SHISA9: variants seen among roughly 807,000 people sequenced by gnomAD.
SHISA9 encodes shisa family member 9, also known as protein shisa-9.
In SHISA9, 13 loss-of-function variants were observed where a neutral mutation model predicts 38.0. That is an observed-to-expected ratio of 0.34 (90% CI 0.22 to 0.54). The LOEUF is 0.54. SHISA9 is among the 20% of genes least tolerant of loss of function. SHISA9 has a pLI of 0.91. For missense variants in SHISA9, 538 were observed against 575.8 expected (o/e 0.93, Z 0.67); for synonymous variants, 275 against 242.0 (o/e 1.14, Z -1.27).
the SHISA9 span, among the ~76,000 whole-genome samples, chr16:13,312,414 G>T: frequency 2.0e-4 from 31 of 152,138 alleles, no homozygotes; most frequent in Non-Finnish European, 3.2e-4. Context: ...CCCCCCCTCA[G>T]TCATGGATTT....
At chr16:13,474,688 A>T in the SHISA9 span, among the ~76,000 whole-genome samples, 4 of 152,254 alleles carry the variant, frequency 2.6e-5, no homozygotes, top group Non-Finnish European at 5.9e-5. Context: ...CTGATGTGAT[A>T]AAGATAGTGA....
At chr16:13,071,655 C>A (rs1724529030) in intron 2 of SHISA9, among the ~76,000 whole-genome samples, 1 of 150,548 alleles carries the variant, frequency 6.6e-6, no homozygotes, top group Non-Finnish European at 1.5e-5. Context: ...TCCTGTCTTT[C>A]CTTTTTGACA....
At chr16:13,103,442 C>T (rs2073898146) in intron 2 of SHISA9, among the ~76,000 whole-genome samples, 2 of 152,164 alleles carry the variant, frequency 1.3e-5, no homozygotes, top group Admixed American at 6.5e-5. Flanking sequence ...GTCCCATGAG[C>T]AGGTGAGTGG....
At chr16:13,431,073 C>A in the SHISA9 span, among the ~76,000 whole-genome samples, 4 of 152,194 alleles carry the variant, frequency 2.6e-5, no homozygotes, top group Non-Finnish European at 5.9e-5. Flanking sequence ...TGAGGGAAAT[C>A]TCCTACACAT....
intron 2 of SHISA9, among the ~76,000 whole-genome samples, chr16:13,142,319 C>G (rs908854538): frequency 6.6e-6 from 1 of 152,176 alleles, no homozygotes; most frequent in African/African-American, 2.4e-5. Flanking sequence ...CCCACGTGTT[C>G]CCTTCTGTAG....
the SHISA9 span, among the ~76,000 whole-genome samples, chr16:13,335,015 GCTTC>G: frequency 1.2e-3 from 187 of 152,298 alleles, 1 homozygote; most frequent in African/African-American, 3.9e-3. Flanking sequence ...AACTTTTCAT[GCTTC>G]CTTCCTCCTG....
intron 2 of SHISA9, among the ~76,000 whole-genome samples, chr16:12,948,285 T>C (rs952217436): frequency 6.6e-6 from 1 of 152,168 alleles, no homozygotes; most frequent in African/African-American, 2.4e-5. Context: ...AACCAAGCTC[T>C]TGAACTATTA....
At chr16:12,974,042 C>T (rs1596558727) in intron 2 of SHISA9, among the ~76,000 whole-genome samples, 1 of 152,152 alleles carries the variant, frequency 6.6e-6, no homozygotes. Flanking sequence ...CAAGGGTCTC[C>T]AGCACTGCCT....
At chr16:13,513,832 G>C in the SHISA9 span, among the ~76,000 whole-genome samples, 1 of 152,134 alleles carries the variant, frequency 6.6e-6, no homozygotes, top group Non-Finnish European at 1.5e-5. Flanking sequence ...ACCAGGGCCT[G>C]TTGTGGCAAA....
chr16:13,486,931 C>T, the SHISA9 span, among the ~76,000 whole-genome samples: 69 of 152,158 alleles, frequency 4.5e-4, no homozygotes, highest in Admixed American at 3.9e-4. Flanking sequence ...CATGAACTCC[C>T]GACCTCAGGT....
chr16:13,098,914 T>G (rs996985715), intron 2 of SHISA9, among the ~76,000 whole-genome samples: 2 of 152,236 alleles, frequency 1.3e-5, no homozygotes, highest in Non-Finnish European at 2.9e-5. Flanking sequence ...ATGGGCTGGT[T>G]GTGAAGAGTA....
At chr16:13,432,679 T>C in the SHISA9 span, among the ~76,000 whole-genome samples, 1 of 152,160 alleles carries the variant, frequency 6.6e-6, no homozygotes. Context: ...GAAAGGCATA[T>C]AAGTGATTAT....
the SHISA9 span, among the ~76,000 whole-genome samples, chr16:13,273,242 C>T: frequency 3.3e-5 from 5 of 152,162 alleles, no homozygotes; most frequent in Non-Finnish European, 5.9e-5. Flanking sequence ...GACATCTCAA[C>T]GACATGTCCT....
the SHISA9 span, among the ~76,000 whole-genome samples, chr16:13,520,762 C>G: frequency 1.3e-5 from 2 of 151,834 alleles, no homozygotes; most frequent in Non-Finnish European, 2.9e-5. Flanking sequence ...ACTGAAGTCA[C>G]AAGAAGTCGA....
chr16:13,132,233 G>A lies in SHISA9; in HGVS notation c.692-71161G>A, dbSNP rs145246187. On this transcript the variant is annotated intron_variant, in intron 2 of 4. Transcript: ENST00000558583. The stretch of plus-strand genomic sequence containing the variant: ...TTTGTGTGTCTTAGTTGCCTCATTT[G>A]TAGAATGGGGATAGTAATAGTATCC... 2.2e-3 allele frequency among the ~76,000 whole-genome samples: 333 copies of A among 152,246 alleles called. 3 individuals carry two copies. Among genetic ancestry groups the A allele is most frequent in the African/African-American group, 7.4e-3 (306 of 41,548 alleles).
the SHISA9 span, among the ~76,000 whole-genome samples, chr16:13,263,829 C>G: frequency 1.3e-5 from 2 of 151,964 alleles, no homozygotes; most frequent in African/African-American, 4.8e-5. Context: ...TACATGAGAC[C>G]TGTCTGTACT....
chr16:13,466,466 T>C, the SHISA9 span, among the ~76,000 whole-genome samples: 1 of 152,182 alleles, frequency 6.6e-6, no homozygotes, highest in African/African-American at 2.4e-5. Flanking sequence ...TGGCCCACAC[T>C]CTTTAGGAAT....
chr16:13,420,956 G>A, the SHISA9 span, among the ~76,000 whole-genome samples: 1 of 152,170 alleles, frequency 6.6e-6, no homozygotes, highest in African/African-American at 2.4e-5. Context: ...TTTGCTTCAG[G>A]GGAAAGCAGT....
At chr16:13,221,271 A>G (rs1217957269) in intron 4 of SHISA9, among the ~76,000 whole-genome samples, 2 of 152,124 alleles carry the variant, frequency 1.3e-5, no homozygotes, top group African/African-American at 4.8e-5. Context: ...GTGAAGTGCA[A>G]CTAATTCACC....
Sources: gnomAD v4.1 joint callset for allele counts (sites outside exome capture counted in the v4.1 genomes callset) on GRCh38, gnomAD v4.1.1 for gene constraint, MANE v1.5 for transcripts, NCBI Gene and HGNC (gene_info 2026-07-23, HGNC 2026-07-21) for gene names.